Variants in BDP1 observed in about 807,000 individuals in gnomAD.
The protein encoded by BDP1 is BDP1 general transcription factor IIIB subunit.
Under a neutral mutation model 266.6 loss-of-function variants are expected in BDP1, and 169 were observed. The ratio of observed to expected loss-of-function variants is 0.63; its 90% CI spans 0.56 to 0.72. The LOEUF is 0.72. Ranked by LOEUF, BDP1 falls within the 30% of genes least tolerant of loss-of-function variation. The pLI is 0.00. For synonymous variants in BDP1, 1,090 were observed against 1,022.4 expected (o/e 1.07, Z -1.26); for missense variants, 3,015 against 3,053.8 (o/e 0.99, Z 0.30).
downstream of BDP1, among the ~76,000 whole-genome samples, chr5:71,569,770 C>T (rs529089207): frequency 2.0e-5 from 3 of 152,126 alleles, no homozygotes; most frequent in African/African-American, 4.8e-5. Flanking sequence ...CACACACACT[C>T]GCAGTGCCTG....
chr5:71,501,915 A>G (rs781671097), intron 14 of BDP1, among the ~76,000 whole-genome samples: 2 of 152,116 alleles, frequency 1.3e-5, no homozygotes, highest in Admixed American at 6.6e-5. Context: ...TTTTATTTAT[A>G]CTAAGAGATT....
chr5:71,482,864 AAAAC>A (rs1763041390), intron 7 of BDP1, among the ~76,000 whole-genome samples: 1 of 152,246 alleles, frequency 6.6e-6, no homozygotes, highest in African/African-American at 2.4e-5. Context: ...TTTGTGAAGA[AAAAC>A]AAAAGAATGG....
intron 27 of BDP1, 90 bp downstream of exon 27, chr5:71,539,168 T>A (rs1766809613): frequency 3.3e-6 from 3 of 898,264 alleles, no homozygotes; most frequent in African/African-American, 1.7e-5. Flanking sequence ...ATCAGTTTGC[T>A]GGAGAGTTTA....
At chr5:71,560,361 T>A in intron 37 of BDP1, 124 bp downstream of exon 37, 2 of 1,091,574 alleles carry the variant, frequency 1.8e-6, no homozygotes, top group African/African-American at 1.6e-5. Context: ...ATCAGTAATG[T>A]AAAGGAAAAA....
At chr5:71,479,438 A>C (rs1007545278) in intron 7 of BDP1, among the ~76,000 whole-genome samples, 3 of 152,108 alleles carry the variant, frequency 2.0e-5, no homozygotes, top group African/African-American at 7.2e-5. Flanking sequence ...TCTATAATGA[A>C]TGGCTCCTTT....
intron 6 of BDP1, among the ~76,000 whole-genome samples, chr5:71,468,408 G>A (rs1051219441): frequency 2.6e-5 from 4 of 151,538 alleles, no homozygotes; most frequent in Non-Finnish European, 4.4e-5. Context: ...TTTGCCTCCC[G>A]AAGTGTTGAG....
chr5:71,577,988 A>T, the BDP1 span, among the ~76,000 whole-genome samples: 1 of 152,212 alleles, frequency 6.6e-6, no homozygotes, highest in Non-Finnish European at 1.5e-5. Flanking sequence ...TACATGATCA[A>T]ACAGCAAACT....
intron 7 of BDP1, among the ~76,000 whole-genome samples, chr5:71,471,671 T>TG (rs1258786413): frequency 2.0e-5 from 3 of 152,212 alleles, no homozygotes; most frequent in African/African-American, 7.2e-5. Context: ...TTGAGAAACT[T>TG]TATACAAGTT....
Position 71,556,938 on chromosome 5 carries a change from C to T in BDP1, c.7240+13C>T. ...TTTGAGGAAACAGGTAAGTGAAATA[C>T]ATTTTAACATGATTGCATTTTGCTA... On this transcript the variant is annotated intron_variant, in intron 36 of 38. Coordinates refer to ENST00000358731, the MANE Select transcript of BDP1 (RefSeq NM_018429.3). 2 of 1,404,520 alleles carry T rather than the reference C, an allele frequency of 1.4e-6. No individual in the cohort carries two copies. Among genetic ancestry groups the T allele is most frequent in the Non-Finnish European group, 1.9e-6 (2 of 1,050,468 alleles). The allele number at this position is 1,404,520 out of a possible 1,614,324, so 87.0% of individuals were successfully genotyped here.
chr5:71,469,386 G>A (rs1333045934), intron 6 of BDP1, among the ~76,000 whole-genome samples: 4 of 151,944 alleles, frequency 2.6e-5, no homozygotes, highest in Non-Finnish European at 5.9e-5. Context: ...TGATCTGCCC[G>A]CCTCGGCCTC....
chr5:71,509,644 TAA>T lies in BDP1; in HGVS notation c.2553_2554del (p.Arg852ThrfsTer14), dbSNP rs1263607883. On this transcript the variant is annotated frameshift_variant, in exon 17 of 39. Coordinates refer to ENST00000358731, the MANE Select transcript of BDP1 (RefSeq NM_018429.3). LOFTEE classifies it high-confidence loss of function. Reference sequence around the variant, plus strand: ...ATGGCGGCAGCATTGAGAGAAACTGTAAGACTAGACACCTCACCAAAGGAGAT... The same window carrying T: ...ATGGCGGCAGCATTGAGAGAAACTGTGACTAGACACCTCACCAAAGGAGAT... 1 of 1,613,072 alleles carries T rather than the reference TAA, an allele frequency of 6.2e-7. No individual in the cohort carries two copies. The highest frequency in any genetic ancestry group is 8.5e-7 in the Non-Finnish European group (1 of 1,179,786).
Position 71,481,157 on chromosome 5 carries a change from G to C in BDP1, c.1015-2685G>C, listed in dbSNP as rs1039750068. ...CCACTGCGCTCCAGCCTGTGAGACAGAGCAAGATTCCGTCTCAAAAAAAAA... is the reference window on the plus strand; with the variant it reads ...CCACTGCGCTCCAGCCTGTGAGACACAGCAAGATTCCGTCTCAAAAAAAAA... On this transcript the variant is annotated intron_variant, in intron 7 of 38. Transcript: ENST00000358731. Among the ~76,000 whole-genome samples, 18 of 151,234 alleles carry C rather than the reference G, an allele frequency of 1.2e-4. No individual in the cohort carries two copies. The East Asian group carries it at 3.5e-3, about 30-fold the overall frequency.
At chr5:71,555,625 G>A (rs1230740480) in intron 35 of BDP1, among the ~76,000 whole-genome samples, 3 of 152,004 alleles carry the variant, frequency 2.0e-5, no homozygotes, top group Non-Finnish European at 4.4e-5. Flanking sequence ...TTTTAGTAGA[G>A]ACGGGGTTTC....
intron 7 of BDP1, among the ~76,000 whole-genome samples, chr5:71,481,467 G>T (rs1762967017): frequency 6.6e-6 from 1 of 150,996 alleles, no homozygotes; most frequent in African/African-American, 2.4e-5. Context: ...TGAGGCAGGA[G>T]GATTGCTTGA....
rs1029102152 is a variant in BDP1 at position 71,516,157 on chromosome 5, T to C, written c.4746T>C (p.Asn1582=). 3 of 1,613,004 alleles carry C rather than the reference T, an allele frequency of 1.9e-6. No individual in the cohort carries two copies. The highest frequency in any genetic ancestry group is 2.7e-5 in the African/African-American group (2 of 74,742). The change falls in exon 21 of 39, where the codon AAT becomes AAC. Residue 1582 remains asparagine, a synonymous_variant. Transcript: ENST00000358731. ...VRGRLQRPRP[N]IRKTGQRQIV... is the part of the protein sequence containing the mutation. ...GCCGACTTCAGAGACCGAGACCAAA[T>C]ATAAGAAAGACAGGACAGAGGCAAA...
chr5:71,461,685 A>T, intron 2 of BDP1, 132 bp from the exon 3 acceptor site: 2 of 552,324 alleles, frequency 3.6e-6, no homozygotes, highest in Non-Finnish European at 6.5e-6. Flanking sequence ...CCATCTACAA[A>T]ATTACATAAT....
chr5:71,486,381 C>G, intron 8 of BDP1, 103 bp from the exon 9 acceptor site: 1 of 964,038 alleles, frequency 1.0e-6, no homozygotes, highest in East Asian at 2.8e-5. Flanking sequence ...TGTTCTCCTA[C>G]TGATAAACAA....
intron 1 of BDP1, among the ~76,000 whole-genome samples, chr5:71,456,740 T>C: frequency 6.6e-6 from 1 of 152,242 alleles, no homozygotes; most frequent in Admixed American, 6.5e-5. Flanking sequence ...AGATAATTCA[T>C]ATTAACTACC....
Position 71,491,100 on chromosome 5 carries a change from G to C in BDP1, c.1609G>C (p.Glu537Gln). The C allele has an allele frequency of 6.2e-7, 1 of 1,614,056 alleles. No homozygotes were observed. The highest frequency in any genetic ancestry group is 2.2e-5 in the East Asian group (1 of 44,870). ...IVGFASTEKV[E>Q]KRTDPILSLS... ...GGGTTTTGCCTCCACTGAAAAAGTT[G>C]AGAAAAGAACTGACCCCATCCTTTC... is the stretch of plus-strand genomic sequence containing the variant. The change falls in exon 11 of 39, where the codon GAG (glutamate) becomes CAG (glutamine). Residue 537 changes from glutamate to glutamine, a missense_variant. Coordinates refer to ENST00000358731, the MANE Select transcript of BDP1 (RefSeq NM_018429.3).
Sources: gnomAD v4.1 joint callset for allele counts (sites outside exome capture counted in the v4.1 genomes callset) on GRCh38, gnomAD v4.1.1 for gene constraint, MANE v1.5 for transcripts, NCBI Gene and HGNC (gene_info 2026-07-23, HGNC 2026-07-21) for gene names.